The following ZFYVE9 variants were observed in gnomAD, a reference collection of about 807,000 sequenced individuals.
ZFYVE9 encodes the protein zinc finger FYVE domain-containing protein 9.
ZFYVE9 carries 43 observed loss-of-function variants against 126.7 expected under a neutral mutation model. The observed-to-expected ratio is 0.34, with a 90% CI of 0.27 to 0.44. The LOEUF is 0.44. Among genes scored for constraint, ZFYVE9 ranks in the 20% least tolerant of loss-of-function variants. The probability of loss-of-function intolerance (pLI) is 1.00; values close to 1 mark genes in which losing one functional copy is unlikely to be tolerated. For synonymous variants in ZFYVE9, 521 were observed against 597.4 expected, an observed-to-expected ratio of 0.87 and a Z score of 1.87; for missense variants, 1,476 against 1,697.0, an observed-to-expected ratio of 0.87 and a Z score of 2.29.
At chr1:52,309,918 G>A (rs1309290116) in intron 13 of ZFYVE9, among the ~76,000 whole-genome samples, 1 of 152,112 alleles carries the variant, frequency 6.6e-6, no homozygotes, top group African/African-American at 2.4e-5. Context: ...AATCTCTTTT[G>A]TCAAGGCCAT....
At chr1:52,334,528 G>C (rs1034282723) in intron 14 of ZFYVE9, among the ~76,000 whole-genome samples, 160 bp from the exon 15 acceptor site, 2 of 152,138 alleles carry the variant, frequency 1.3e-5, no homozygotes, top group African/African-American at 4.8e-5. Flanking sequence ...GTAAGCATCA[G>C]AATTGTTGGT....
At chr1:52,167,170 T>C (rs1644521948) in intron 1 of ZFYVE9, among the ~76,000 whole-genome samples, 1 of 152,224 alleles carries the variant, frequency 6.6e-6, no homozygotes. Context: ...CTCTTGTTTC[T>C]AAGTCCTCAG....
At chr1:52,200,034 T>TC (rs1485825806) in intron 1 of ZFYVE9, among the ~76,000 whole-genome samples, 1 of 151,726 alleles carries the variant, frequency 6.6e-6, no homozygotes, top group Admixed American at 6.6e-5. Flanking sequence ...CAGTTTTTTT[T>TC]TTTTTATTAT....
chr1:52,168,065 C>T (rs574966894), intron 1 of ZFYVE9, among the ~76,000 whole-genome samples: 1 of 151,974 alleles, frequency 6.6e-6, no homozygotes, highest in Admixed American at 6.6e-5. Flanking sequence ...TTGGGGCTTC[C>T]TTAGGAGTTA....
At chr1:52,326,570 C>G (rs909804788) in intron 13 of ZFYVE9, among the ~76,000 whole-genome samples, 2 of 151,822 alleles carry the variant, frequency 1.3e-5, no homozygotes, top group Admixed American at 6.6e-5. Context: ...GGTCGAAGGC[C>G]AGGCATGGTG....
chr1:52,191,315 G>C (rs1644814989), intron 1 of ZFYVE9, among the ~76,000 whole-genome samples: 1 of 152,088 alleles, frequency 6.6e-6, no homozygotes, highest in African/African-American at 2.4e-5. Context: ...TACAAATGAG[G>C]GAATTGAAAC....
intron 4 of ZFYVE9, among the ~76,000 whole-genome samples, chr1:52,245,211 G>A (rs910977882): frequency 6.6e-6 from 1 of 151,310 alleles, no homozygotes; most frequent in Non-Finnish European, 1.5e-5. Context: ...CATTCAGTGA[G>A]CATTTACTTA....
At chr1:52,154,612 C>G (rs1314043942) in intron 1 of ZFYVE9, among the ~76,000 whole-genome samples, 1 of 152,194 alleles carries the variant, frequency 6.6e-6, no homozygotes, top group East Asian at 1.9e-4. Flanking sequence ...TATATTCATT[C>G]ATTTCCCTCC....
intron 17 of ZFYVE9, 106 bp downstream of exon 17, chr1:52,340,337 C>CT (rs1369943185): frequency 8.8e-6 from 7 of 791,154 alleles, no homozygotes; most frequent in Non-Finnish European, 1.5e-5. Flanking sequence ...AAAAATATCT[C>CT]TGAGAAAAAT....
In ZFYVE9 at chr1:52,295,122, C is replaced by T. The variant is rs951722015; in HGVS notation, c.3251-773C>T. Reference sequence around the variant, plus strand: ...ACTGGAGAGGCTGAGGCAGGAGAATCGCTTGAACCCTCCTAAGGCAGGAGA... The same window carrying T: ...ACTGGAGAGGCTGAGGCAGGAGAATTGCTTGAACCCTCCTAAGGCAGGAGA... On this transcript the variant is annotated intron_variant, in intron 11 of 18. Coordinates refer to ENST00000287727, the MANE Select transcript of ZFYVE9 (RefSeq NM_004799.4). 3.9e-5 allele frequency among the ~76,000 whole-genome samples: 6 copies of T among 152,142 alleles called. No individual in the cohort carries two copies. In the East Asian group the frequency reaches 7.7e-4, roughly 20 times the overall value.
In ZFYVE9 at chr1:52,344,785, C is replaced by G. The variant is rs1026381620; in HGVS notation, c.3957C>G (p.Asn1319Lys). ...IRWTEVFFLE[N>K]DDQHNCLSDP... ...GGGAACAGGTGTTTTTCCTAGAAAA[C>G]GATGACCAGCACAATTGCCTCAGTG... The change falls in exon 18 of 19, where the codon AAC (asparagine) becomes AAG (lysine). Residue 1319 changes from asparagine to lysine, a missense_variant. Coordinates refer to ENST00000287727, the MANE Select transcript of ZFYVE9 (RefSeq NM_004799.4). The G allele has an allele frequency of 6.2e-7, 1 of 1,613,588 alleles. No individual in the cohort carries two copies. Among genetic ancestry groups the G allele is most frequent in the Non-Finnish European group, 8.5e-7 (1 of 1,179,750 alleles).
At position 52,238,262 on chromosome 1, in the gene ZFYVE9, A is replaced by T; in HGVS notation, c.845A>T (p.Lys282Ile). ...SQGTDGCPAV[K>I]KQENYIPDED... ...GGAACAGATGGATGTCCTGCTGTTA[A>T]AAAGCAAGAGAACTATATACCAGAT... Residue 282 changes from lysine (K) to isoleucine (I), a missense_variant, in exon 4 of 19, where the codon AAA becomes ATA. This residue lies in a region of ZFYVE9 where 807 missense variants were observed against 794.6 expected (regional missense o/e 1.02). Transcript: ENST00000287727. The T allele has an allele frequency of 6.2e-7, 1 of 1,614,070 alleles. No individual in the cohort carries two copies. The highest frequency in any genetic ancestry group is 8.5e-7 in the Non-Finnish European group (1 of 1,179,962).
rs747420441 is a variant in ZFYVE9, at chr1:52,238,299, T to G, written c.882T>G (p.Thr294=). ...ACTATATACCAGATGAGGACCTCAC[T>G]GGCAAAATCAGCTCTCCTAGGACAG... ...QENYIPDEDL[T]GKISSPRTDL... Residue 294 remains threonine, a synonymous_variant, in exon 4 of 19, where the codon ACT becomes ACG. Transcript: ENST00000287727. 5.0e-6 allele frequency: 8 copies of G among 1,613,828 alleles called. No individual in the cohort carries two copies. In the East Asian group the frequency reaches 1.8e-4, roughly 36 times the overall value.
chr1:52,281,553 A>G, intron 9 of ZFYVE9, 108 bp from the exon 10 acceptor site: 1 of 1,241,394 alleles, frequency 8.1e-7, no homozygotes, highest in Non-Finnish European at 1.1e-6. Context: ...ACTCAGTGTG[A>G]TCTATTTTAA....
At chr1:52,253,072 G>A (rs1645468050) in intron 4 of ZFYVE9, among the ~76,000 whole-genome samples, 1 of 152,210 alleles carries the variant, frequency 6.6e-6, no homozygotes, top group Non-Finnish European at 1.5e-5. Context: ...AGGATCACCT[G>A]AGCCCAGGGT....
At chr1:52,306,619 A>G (rs1037133207) in intron 13 of ZFYVE9, among the ~76,000 whole-genome samples, 1 of 152,214 alleles carries the variant, frequency 6.6e-6, no homozygotes, top group African/African-American at 2.4e-5. Flanking sequence ...AGTGAAGAGA[A>G]GGAGAGAAGA....
intron 4 of ZFYVE9, among the ~76,000 whole-genome samples, chr1:52,242,031 CTTTTTTTTT>C (rs975430437): frequency 4.7e-5 from 5 of 106,440 alleles, no homozygotes; most frequent in African/African-American, 1.2e-4. Flanking sequence ...TCATGGCAAT[CTTTTTTTTT>C]TTTTTTTTTT....
intron 13 of ZFYVE9, among the ~76,000 whole-genome samples, chr1:52,322,439 G>A (rs1261750436): frequency 2.7e-5 from 4 of 148,462 alleles, no homozygotes; most frequent in African/African-American, 5.0e-5. Context: ...GTGCAATGGC[G>A]CGATCTCGGC....
chr1:52,346,038 T>G, intron 18 of ZFYVE9, 22 bp from the exon 19 acceptor site: 1 of 1,560,692 alleles, frequency 6.4e-7, no homozygotes, highest in Non-Finnish European at 8.7e-7. Context: ...TAACCTCTCC[T>G]CCTTTTCTCT....
Sources: allele counts gnomAD v4.1 joint callset (sites outside exome capture counted in the v4.1 genomes callset), GRCh38; gene constraint gnomAD v4.1.1; regional missense constraint gnomAD v4.1.1; transcripts MANE v1.5; gene names NCBI Gene and HGNC (gene_info 2026-07-23, HGNC 2026-07-21).